The following TPD52 variants were observed in gnomAD, a reference collection of about 807,000 sequenced individuals.
TPD52 encodes the protein tumor protein D52, also known as prostate and colon associated protein.
A neutral mutation model predicts 31.3 loss-of-function variants in TPD52; 17 were observed. That is an observed-to-expected ratio of 0.54 (90% CI 0.37 to 0.82). TPD52 has a LOEUF of 0.82. TPD52 is among the 40% of genes least tolerant of loss of function. TPD52 has a pLI of 0.00. For synonymous variants in TPD52, 83 were observed against 89.6 expected (o/e 0.93, Z 0.42); for missense variants, 212 against 240.1 (o/e 0.88, Z 0.77).
At chr8:80,116,607 C>A (rs1807878483) in intron 1 of TPD52, among the ~76,000 whole-genome samples, 1 of 152,076 alleles carries the variant, frequency 6.6e-6, no homozygotes, top group African/African-American at 2.4e-5. Flanking sequence ...ATACTTTCAG[C>A]ATAAAATAGA....
intron 1 of TPD52, among the ~76,000 whole-genome samples, chr8:80,084,916 C>A (rs2130851633): frequency 6.6e-6 from 1 of 152,002 alleles, no homozygotes; most frequent in Middle Eastern, 3.4e-3. Flanking sequence ...TGGAAAAAAG[C>A]AATACAAATG....
chr8:80,146,229 A>G (rs1049775204), intron 1 of TPD52, among the ~76,000 whole-genome samples: 1 of 152,232 alleles, frequency 6.6e-6, no homozygotes, highest in Non-Finnish European at 1.5e-5. Context: ...AAGTCGTGCA[A>G]AAAAATATAC....
chr8:80,138,740 C>T (rs1014499603), intron 1 of TPD52, among the ~76,000 whole-genome samples: 1 of 152,112 alleles, frequency 6.6e-6, no homozygotes, highest in African/African-American at 2.4e-5. Flanking sequence ...CTCTTCACCT[C>T]GCTATTTAAG....
intron 1 of TPD52, among the ~76,000 whole-genome samples, chr8:80,153,811 G>A (rs1810745704): frequency 1.3e-5 from 2 of 152,230 alleles, no homozygotes; most frequent in African/African-American, 4.8e-5. Context: ...CAGGGCTGAT[G>A]TGAGGGACAA....
At chr8:80,141,639 C>T (rs1440436680) in intron 1 of TPD52, among the ~76,000 whole-genome samples, 2 of 152,116 alleles carry the variant, frequency 1.3e-5, no homozygotes, top group Non-Finnish European at 2.9e-5. Context: ...TGGCTGGGCG[C>T]GGGGGCTCAC....
chr8:80,096,968 C>T (rs1455042900), intron 1 of TPD52, among the ~76,000 whole-genome samples: 1 of 152,152 alleles, frequency 6.6e-6, no homozygotes, highest in Non-Finnish European at 1.5e-5. Context: ...TCTCTGTAGG[C>T]CAAAAACCAG....
chr8:80,139,620 T>C (rs1490847351), intron 1 of TPD52, among the ~76,000 whole-genome samples: 2 of 134,258 alleles, frequency 1.5e-5, no homozygotes, highest in South Asian at 2.6e-4. Flanking sequence ...AAATAACAAG[T>C]AGCAATAAAC....
intron 1 of TPD52, among the ~76,000 whole-genome samples, chr8:80,128,082 G>A (rs1808757552): frequency 6.6e-6 from 1 of 151,770 alleles, no homozygotes; most frequent in South Asian, 2.1e-4. Context: ...ATTGCCAGCT[G>A]TCCGCAGTAC....
chr8:80,126,885 G>T (rs1808650927), intron 1 of TPD52, among the ~76,000 whole-genome samples: 2 of 152,128 alleles, frequency 1.3e-5, no homozygotes, highest in African/African-American at 4.8e-5. Context: ...ATACTTGGAG[G>T]TTGAGGTGGG....
At chr8:80,171,090 G>A in intron 1 of TPD52, 4 of 624,404 alleles carry the variant, frequency 6.4e-6, no homozygotes, top group South Asian at 1.7e-5. Context: ...TGGCTGCGCC[G>A]TGCTCCCTTC....
chr8:80,048,129 T>A (rs1270439592), intron 5 of TPD52, among the ~76,000 whole-genome samples: 1 of 152,158 alleles, frequency 6.6e-6, no homozygotes, highest in Non-Finnish European at 1.5e-5. Context: ...CCAGAGGGCC[T>A]CCCAGGACAG....
intron 1 of TPD52, chr8:80,122,726 T>G (rs916530294): frequency 2.0e-5 from 3 of 152,288 alleles, no homozygotes; most frequent in Admixed American, 6.5e-5. Context: ...TTTTGCTGCT[T>G]GCTTTGCTAC....
chr8:80,119,350 A>C (rs1392681435), intron 1 of TPD52, among the ~76,000 whole-genome samples: 1 of 152,224 alleles, frequency 6.6e-6, no homozygotes, highest in Non-Finnish European at 1.5e-5. Context: ...TAAATGTTGT[A>C]CAAGTATCTG....
rs1350754412 is a variant in TPD52, at chr8:80,058,870, C to G, written c.136-5440G>C. Among the ~76,000 whole-genome samples the G allele has an allele frequency of 2.0e-5, 3 of 152,266 alleles. No individual in the cohort carries two copies. The South Asian group carries it at 6.2e-4, about 32-fold the overall frequency. ...CACCCATCTGCCTTACCCATTCTAT[C>G]CCCACCTTGTTTATAAAACTTTGGG... On this transcript the variant is annotated intron_variant, in intron 2 of 7. Coordinates refer to ENST00000518937, the MANE Select transcript of TPD52 (RefSeq NM_001025253.3).
chr8:80,099,527 T>C (rs1806579487), intron 1 of TPD52, among the ~76,000 whole-genome samples: 2 of 147,520 alleles, frequency 1.4e-5, no homozygotes, highest in Non-Finnish European at 3.0e-5. Flanking sequence ...TTTTTTTTTT[T>C]TGAGATGAAG....
At chr8:80,112,222 A>G (rs1442951066) in intron 1 of TPD52, among the ~76,000 whole-genome samples, 2 of 152,260 alleles carry the variant, frequency 1.3e-5, no homozygotes, top group Admixed American at 6.5e-5. Context: ...GCAGTGCTCT[A>G]GCACTTCACA....
At chr8:80,151,407 C>T (rs1810558424) in intron 1 of TPD52, among the ~76,000 whole-genome samples, 1 of 152,162 alleles carries the variant, frequency 6.6e-6, no homozygotes, top group Non-Finnish European at 1.5e-5. Flanking sequence ...GAAGAAACAG[C>T]CGAAGTGATT....
At chr8:80,106,318 T>C (rs1056883456) in intron 1 of TPD52, among the ~76,000 whole-genome samples, 6 of 152,210 alleles carry the variant, frequency 3.9e-5, no homozygotes, top group African/African-American at 1.4e-4. Context: ...AGTCACCCTG[T>C]TGTGCTATCA....
At chr8:80,106,681 A>ATT (rs11450396) in intron 1 of TPD52, among the ~76,000 whole-genome samples, 209 of 143,312 alleles carry the variant, frequency 1.5e-3, no homozygotes, top group Middle Eastern at 3.6e-3. Context: ...TACTCGTTCT[A>ATT]TTTTTTTTTT....
Sources: gnomAD v4.1 joint callset for allele counts (sites outside exome capture counted in the v4.1 genomes callset) on GRCh38, gnomAD v4.1.1 for gene constraint, MANE v1.5 for transcripts, NCBI Gene and HGNC (gene_info 2026-07-23, HGNC 2026-07-21) for gene names.